The following PPP1R2 variants were observed in gnomAD, a reference collection of about 807,000 sequenced individuals.
The protein encoded by PPP1R2 is protein phosphatase inhibitor 2.
A neutral mutation model predicts 29.9 loss-of-function variants in PPP1R2; 16 were observed. That is an observed-to-expected ratio of 0.53 (90% CI 0.36 to 0.81). The LOEUF (loss-of-function observed/expected upper bound fraction) is 0.81, where lower values mean the gene tolerates loss of function less well. PPP1R2 is among the 30% of genes least tolerant of loss of function. The pLI, the probability that PPP1R2 is intolerant of heterozygous loss-of-function variation, is 0.00. For synonymous variants in PPP1R2, 76 were observed against 91.5 expected, an observed-to-expected ratio of 0.83 and a Z score of 0.96; for missense variants, 197 against 252.7, an observed-to-expected ratio of 0.78 and a Z score of 1.49.
intron 2 of PPP1R2, among the ~76,000 whole-genome samples, chr3:195,528,543 T>C (rs1212709029): frequency 6.6e-6 from 1 of 152,108 alleles, no homozygotes; most frequent in Non-Finnish European, 1.5e-5. Flanking sequence ...TAAAATACAG[T>C]AGTTCTTAAC....
intron 2 of PPP1R2, chr3:195,529,550 C>A: frequency 3.1e-6 from 1 of 325,762 alleles, no homozygotes; most frequent in Non-Finnish European, 5.6e-6. Flanking sequence ...AGCTAGCAAC[C>A]ACTGAGGTGC....
Position 195,543,030 on chromosome 3 carries a change from G to T in PPP1R2, c.-5C>A. 2 of 1,598,274 alleles carry T rather than the reference G, an allele frequency of 1.3e-6. No individual in the cohort carries two copies. The highest frequency in any genetic ancestry group is 1.7e-6 in the Non-Finnish European group (2 of 1,173,208). ...CGAGGCCGTCGAGGCCGCCATTGCC[G>T]GGCGCTCCGGCTGTCGGCTCAGGGT... On this transcript the variant is annotated 5_prime_UTR_variant, in exon 1 of 6. Transcript: ENST00000618156.
At chr3:195,532,166 G>C (rs1309335951) in intron 1 of PPP1R2, among the ~76,000 whole-genome samples, 2 of 150,800 alleles carry the variant, frequency 1.3e-5, no homozygotes. Context: ...GACTAGGTGG[G>C]ACCACAGGTA....
At chr3:195,526,272 A>AT (rs940054270) in intron 2 of PPP1R2, among the ~76,000 whole-genome samples, 10 of 151,552 alleles carry the variant, frequency 6.6e-5, no homozygotes, top group Non-Finnish European at 1.3e-4. Context: ...AATTCTTTTT[A>AT]TTTTTTGTAG....
At chr3:195,531,316 G>T (rs1200201731) in intron 1 of PPP1R2, among the ~76,000 whole-genome samples, 1 of 152,126 alleles carries the variant, frequency 6.6e-6, no homozygotes, top group Non-Finnish European at 1.5e-5. Context: ...GGAAAAACCT[G>T]CCTTAAAAAG....
intron 2 of PPP1R2, among the ~76,000 whole-genome samples, chr3:195,527,253 C>T (rs1471410668): frequency 6.6e-6 from 1 of 151,408 alleles, no homozygotes; most frequent in Admixed American, 6.6e-5. Flanking sequence ...AGTTTGAGAT[C>T]AGCTTGGCCA....
chr3:195,523,482 G>A (rs1718844469), intron 4 of PPP1R2, among the ~76,000 whole-genome samples: 1 of 152,136 alleles, frequency 6.6e-6, no homozygotes, highest in Non-Finnish European at 1.5e-5. Flanking sequence ...TTTAAAGATG[G>A]TAATACTTCC....
At chr3:195,542,840 G>A (rs1056907419) in intron 1 of PPP1R2, 64 bp downstream of exon 1, 5 of 1,523,424 alleles carry the variant, frequency 3.3e-6, no homozygotes, top group East Asian at 5.0e-5. Flanking sequence ...CGCCCCTGGG[G>A]TCTGGGTAGG....
rs1283928565 is a variant in PPP1R2, at chr3:195,543,077, C to T, written c.-52G>A. ...GGGTCGCTGCTTGGCGTGGGGTCCG[C>T]GAAGAGAAGGGTCGGCACAGCAGAG... On this transcript the variant is annotated 5_prime_UTR_variant, in exon 1 of 6. Transcript: ENST00000618156. 2 of 1,566,548 alleles carry T rather than the reference C, an allele frequency of 1.3e-6. No individual in the cohort carries two copies. Among genetic ancestry groups the T allele is most frequent in the Middle Eastern group, 4.6e-4 (2 of 4,364 alleles).
chr3:195,523,611 T>C (rs1718850233), intron 4 of PPP1R2, 81 bp downstream of exon 4: 1 of 1,122,826 alleles, frequency 8.9e-7, no homozygotes, highest in Admixed American at 2.0e-5. Flanking sequence ...ATGAAAACCA[T>C]TTGCTCATCT....
rs1719684469 is a variant in PPP1R2 at position 195,543,315 on chromosome 3, G to T, written c.-290C>A. ...TAGAGCTCCAGCGCAGGAGCGACGC[G>T]ACGCCGAAGCCAAGCGGACCCGCCC... On this transcript the variant is annotated 5_prime_UTR_variant, in exon 1 of 6. Transcript: ENST00000618156. The T allele has an allele frequency of 3.9e-6, 1 of 255,332 alleles. No homozygotes were observed. The highest frequency in any genetic ancestry group is 7.6e-5 in the East Asian group (1 of 13,238). The allele number at this position is 255,332 out of a possible 1,614,324, so 15.8% of individuals were successfully genotyped here.
chr3:195,525,076 A>G (rs1718914057), intron 2 of PPP1R2, among the ~76,000 whole-genome samples, 180 bp from the exon 3 acceptor site: 1 of 152,090 alleles, frequency 6.6e-6, no homozygotes, highest in African/African-American at 2.4e-5. Flanking sequence ...AAAGTACAGC[A>G]CCCAATCAAG....
intron 4 of PPP1R2, chr3:195,519,777 AT>A (rs560420486): frequency 6.6e-4 from 100 of 152,270 alleles, no homozygotes; most frequent in African/African-American, 2.4e-3. Context: ...TTATAAAGTA[AT>A]GGTGAAGTGA....
intron 1 of PPP1R2, among the ~76,000 whole-genome samples, chr3:195,539,264 C>T (rs1719503850): frequency 1.3e-5 from 2 of 152,140 alleles, no homozygotes. Context: ...CCACAATGAT[C>T]GAAGATGACA....
At chr3:195,524,591 T>C (rs1718890913) in intron 3 of PPP1R2, among the ~76,000 whole-genome samples, 1 of 152,128 alleles carries the variant, frequency 6.6e-6, no homozygotes, top group Admixed American at 6.6e-5. Flanking sequence ...GGTACGCTGG[T>C]CTTCCTGCCA....
chr3:195,525,889 CTA>C (rs1296586727), intron 2 of PPP1R2, among the ~76,000 whole-genome samples: 1 of 152,000 alleles, frequency 6.6e-6, no homozygotes, highest in Admixed American at 6.6e-5. Context: ...TGAAATTGAT[CTA>C]TGTTATTGAG....
rs1718541831 is a variant in PPP1R2 at position 195,516,229 on chromosome 3, A to C, written c.*667T>G. On this transcript the variant is annotated 3_prime_UTR_variant, in exon 6 of 6. Coordinates refer to ENST00000618156, the MANE Select transcript of PPP1R2 (RefSeq NM_006241.8). ...ACAAACAAAAACCCCCCAAAAACAA[A>C]AAACAGAGCAGACATTGGTGAAAGT... 6.6e-6 allele frequency: 1 copy of C among 152,608 alleles called. No homozygotes were observed. Among genetic ancestry groups the C allele is most frequent in the Non-Finnish European group, 1.5e-5 (1 of 68,014 alleles). 9.5% of individuals were successfully genotyped at this position (152,608 alleles called of 1,614,324 possible). A position where few individuals can be genotyped will look rare whatever the true frequency, so the allele number is the denominator to read the frequency against.
rs762128206 is a variant in PPP1R2 at position 195,524,874 on chromosome 3, C to A, written c.253G>T (p.Ala85Ser). ...TCAGTGGCCTCGGTGTCACTACAGG[C>A]ATCTTCATCATCCCCCATCATACTA... ...YHSMMGDDED[A>S]CSDTEATEAM... is the part of the protein sequence containing the mutation. Residue 85 changes from alanine (A) to serine (S), a missense_variant, in exon 3 of 6, where the codon GCC (alanine) becomes TCC (serine). Physicochemically the swap from Ala to Ser is moderately conservative, Grantham distance 99. Transcript: ENST00000618156. 43 of 1,613,990 alleles carry A rather than the reference C, an allele frequency of 2.7e-5. 1 individual carries two copies. The South Asian group carries it at 4.2e-4, about 16-fold the overall frequency.
rs1718529929 is a variant in PPP1R2 at position 195,515,988 on chromosome 3, G to C, written c.*908C>G. The C allele has an allele frequency of 6.6e-6, 1 of 152,248 alleles. No individual in the cohort carries two copies. The highest frequency in any genetic ancestry group is 6.5e-5 in the Admixed American group (1 of 15,288). The allele number at this position is 152,248 out of a possible 1,614,324, so 9.4% of individuals were successfully genotyped here. A position where few individuals can be genotyped will look rare whatever the true frequency, so the allele number is the denominator to read the frequency against. On this transcript the variant is annotated 3_prime_UTR_variant, in exon 6 of 6. Coordinates refer to ENST00000618156, the MANE Select transcript of PPP1R2 (RefSeq NM_006241.8). ...TTCAACATAGCAGCAAATGACAGAA[G>C]AGTGAGAGAAAGAGCTCCTAATGTG...
Sources: gnomAD v4.1 joint callset for allele counts (sites outside exome capture counted in the v4.1 genomes callset) on GRCh38, gnomAD v4.1.1 for gene constraint, MANE v1.5 for transcripts, NCBI Gene and HGNC (gene_info 2026-07-23, HGNC 2026-07-21) for gene names.